Variants in SUGCT observed in about 807,000 individuals in gnomAD.
SUGCT encodes the protein succinyl-CoA:glutarate CoA-transferase.
In SUGCT, 41 loss-of-function variants were observed where a neutral mutation model predicts 55.0. The observed-to-expected ratio is 0.74, with a 90% CI of 0.58 to 0.97. The LOEUF (loss-of-function observed/expected upper bound fraction) is 0.97. Ranked by LOEUF, SUGCT falls within the 50% of genes least tolerant of loss-of-function variation. The probability of loss-of-function intolerance (pLI) is 0.00; values close to 1 mark genes in which losing one functional copy is unlikely to be tolerated. For synonymous variants in SUGCT, 187 were observed against 200.4 expected (o/e 0.93, Z 0.56); for missense variants, 568 against 547.8 (o/e 1.04, Z -0.37).
chr7:40,458,140 T>C (rs1789587230), intron 10 of SUGCT, among the ~76,000 whole-genome samples: 1 of 152,236 alleles, frequency 6.6e-6, no homozygotes, highest in East Asian at 1.9e-4. Context: ...AGATAGATTT[T>C]ATTTAAACTG....
chr7:40,650,386 G>C (rs1800717641), intron 12 of SUGCT, among the ~76,000 whole-genome samples: 3 of 152,232 alleles, frequency 2.0e-5, no homozygotes, highest in Middle Eastern at 6.8e-3. Flanking sequence ...CATCTTAGAG[G>C]CCTGAAACAT....
At chr7:40,755,051 A>T (rs1294283548) in intron 13 of SUGCT, among the ~76,000 whole-genome samples, 1 of 152,178 alleles carries the variant, frequency 6.6e-6, no homozygotes, top group Non-Finnish European at 1.5e-5. Context: ...TCCAGTGGAG[A>T]AACAGGGAGG....
intron 13 of SUGCT, among the ~76,000 whole-genome samples, chr7:40,809,729 C>G (rs1249345609): frequency 6.6e-6 from 1 of 152,106 alleles, no homozygotes; most frequent in Admixed American, 6.6e-5. Context: ...TCCCATCACC[C>G]AGGTACTGAG....
chr7:40,914,272 C>CTTTTT, the SUGCT span, among the ~76,000 whole-genome samples: 18,406 of 137,760 alleles, frequency 0.13, 1,436 homozygotes, highest in African/African-American at 0.24. Context: ...TTATTTTTTT[C>CTTTTT]TTTTTCTTTT....
At chr7:40,222,926 C>A (rs540182838) in intron 6 of SUGCT, among the ~76,000 whole-genome samples, 1 of 152,192 alleles carries the variant, frequency 6.6e-6, no homozygotes, top group East Asian at 1.9e-4. Context: ...CCATGCCTGG[C>A]CAGCACTTTC....
chr7:40,486,330 T>A (rs1214011976), intron 11 of SUGCT, among the ~76,000 whole-genome samples: 1 of 152,176 alleles, frequency 6.6e-6, no homozygotes, highest in Non-Finnish European at 1.5e-5. Flanking sequence ...TCTTTTTAAA[T>A]GTTTTTGGAT....
chr7:40,398,515 CT>C (rs138325012), intron 9 of SUGCT, among the ~76,000 whole-genome samples: 48,827 of 130,758 alleles, frequency 0.37, 8,163 homozygotes, highest in East Asian at 0.46. Context: ...ACTTTACTGG[CT>C]TTTTTTTTTT....
chr7:40,503,786 AAAG>A (rs1792434028), intron 12 of SUGCT, among the ~76,000 whole-genome samples: 1 of 152,212 alleles, frequency 6.6e-6, no homozygotes, highest in Admixed American at 6.5e-5. Context: ...GTCAGAAAGA[AAAG>A]AAATCGATAA....
At chr7:40,321,921 G>C (rs1435496085) in intron 9 of SUGCT, among the ~76,000 whole-genome samples, 1 of 152,136 alleles carries the variant, frequency 6.6e-6, no homozygotes, top group Non-Finnish European at 1.5e-5. Context: ...TTGAGATCTT[G>C]ATTTTTTTTC....
chr7:40,257,057 A>G (rs939182155), intron 7 of SUGCT, among the ~76,000 whole-genome samples: 1 of 150,716 alleles, frequency 6.6e-6, no homozygotes, highest in African/African-American at 2.4e-5. Flanking sequence ...TTTTATTTTT[A>G]TTTTTTATAT....
At chr7:40,455,211 C>T in intron 10 of SUGCT, among the ~76,000 whole-genome samples, 1 of 152,188 alleles carries the variant, frequency 6.6e-6, no homozygotes, top group African/African-American at 2.4e-5. Context: ...CATTAAACAT[C>T]TATCATTAAA....
chr7:40,696,903 GAAA>G (rs1232363875), intron 12 of SUGCT, among the ~76,000 whole-genome samples: 1 of 152,102 alleles, frequency 6.6e-6, no homozygotes. Context: ...CTGTCACCCA[GAAA>G]CAACCAAAAT....
intron 13 of SUGCT, among the ~76,000 whole-genome samples, chr7:40,771,451 C>T (rs1198381002): frequency 6.6e-6 from 1 of 152,058 alleles, no homozygotes; most frequent in African/African-American, 2.4e-5. Flanking sequence ...GTGCCCCTTT[C>T]CTGTAATGTA....
chr7:40,994,858 T>G, the SUGCT span, among the ~76,000 whole-genome samples: 6 of 152,118 alleles, frequency 3.9e-5, no homozygotes, highest in Admixed American at 3.3e-4. Flanking sequence ...CTTCCTGCCC[T>G]CTCCCTTTTG....
At chr7:40,952,405 C>G in the SUGCT span, among the ~76,000 whole-genome samples, 1 of 152,058 alleles carries the variant, frequency 6.6e-6, no homozygotes, top group Non-Finnish European at 1.5e-5. Context: ...GACACTTTAT[C>G]CAATTTGCCA....
chr7:40,888,604 A>T, the SUGCT span, among the ~76,000 whole-genome samples: 3 of 151,992 alleles, frequency 2.0e-5, no homozygotes, highest in East Asian at 1.9e-4. Context: ...TCATAGGTTT[A>T]AAAAAAATAA....
intron 9 of SUGCT, among the ~76,000 whole-genome samples, chr7:40,335,498 C>A (rs1299591237): frequency 6.6e-6 from 1 of 151,800 alleles, no homozygotes. Context: ...GTATTTTATT[C>A]TCTTTGAAGC....
At chr7:40,565,691 T>C (rs948614849) in intron 12 of SUGCT, among the ~76,000 whole-genome samples, 3 of 152,090 alleles carry the variant, frequency 2.0e-5, no homozygotes, top group African/African-American at 7.2e-5. Context: ...CCCATTTACC[T>C]CTATTATCTT....
At chr7:40,543,046 A>G (rs902079276) in intron 12 of SUGCT, among the ~76,000 whole-genome samples, 1 of 152,236 alleles carries the variant, frequency 6.6e-6, no homozygotes, top group Non-Finnish European at 1.5e-5. Flanking sequence ...ATAGCTAAGT[A>G]TAGAAGCCCA....
Sources: allele counts gnomAD v4.1 joint callset (sites outside exome capture counted in the v4.1 genomes callset), GRCh38; gene constraint gnomAD v4.1.1; transcripts MANE v1.5; gene names NCBI Gene and HGNC (gene_info 2026-07-23, HGNC 2026-07-21).